ACAP2: variants seen among roughly 807,000 people sequenced by gnomAD.
ACAP2 encodes the protein ArfGAP with coiled-coil, ankyrin repeat and PH domains 2, also known as arf-GAP with coiled-coil, ANK repeat and PH domain-containing protein 2.
ACAP2 carries 39 observed loss-of-function variants against 115.8 expected under a neutral mutation model. The ratio of observed to expected loss-of-function variants is 0.34; its 90% CI spans 0.26 to 0.44. The LOEUF is 0.44. Among genes scored for constraint, ACAP2 ranks in the 20% least tolerant of loss-of-function variants. The probability of loss-of-function intolerance (pLI) is 1.00; values close to 1 mark genes in which losing one functional copy is unlikely to be tolerated. For missense variants in ACAP2, 662 were observed against 927.6 expected, an observed-to-expected ratio of 0.71 and a Z score of 3.72; for synonymous variants, 289 against 315.8, an observed-to-expected ratio of 0.92 and a Z score of 0.90.
intron 1 of ACAP2, among the ~76,000 whole-genome samples, chr3:195,400,071 G>T (rs970121449): frequency 6.6e-6 from 1 of 151,756 alleles, no homozygotes; most frequent in African/African-American, 2.4e-5. Flanking sequence ...CCAGCTACTC[G>T]GGGGGCTGAG....
At chr3:195,285,694 T>C (rs1726799023) in intron 22 of ACAP2, 102 bp downstream of exon 22, 2 of 949,864 alleles carry the variant, frequency 2.1e-6, no homozygotes, top group Non-Finnish European at 3.2e-6. Flanking sequence ...TAGTATCACA[T>C]TAGTTTGCTA....
chr3:195,296,355 AATTT>A (rs777202942), intron 16 of ACAP2, among the ~76,000 whole-genome samples: 17 of 152,204 alleles, frequency 1.1e-4, no homozygotes, highest in Non-Finnish European at 1.8e-4. Context: ...TAGCATTATT[AATTT>A]AAGAAATAAA....
At chr3:195,315,011 T>G (rs536455458) in intron 10 of ACAP2, among the ~76,000 whole-genome samples, 20 of 152,356 alleles carry the variant, frequency 1.3e-4, no homozygotes, top group African/African-American at 4.6e-4. Context: ...GTCACAAGGT[T>G]TGGACTTTCA....
intron 4 of ACAP2, among the ~76,000 whole-genome samples, chr3:195,374,422 T>A (rs1733376673): frequency 1.3e-5 from 2 of 152,124 alleles, no homozygotes; most frequent in African/African-American, 4.8e-5. Flanking sequence ...CCAGAAAATA[T>A]AAGCATTACT....
intron 4 of ACAP2, among the ~76,000 whole-genome samples, chr3:195,364,995 C>T (rs1314311874): frequency 6.6e-6 from 1 of 152,064 alleles, no homozygotes; most frequent in Non-Finnish European, 1.5e-5. Context: ...CGAAACTAGA[C>T]GTCATTATGT....
chr3:195,299,817 G>A (rs1577257445), intron 15 of ACAP2, among the ~76,000 whole-genome samples: 2 of 151,994 alleles, frequency 1.3e-5, no homozygotes, highest in Admixed American at 6.6e-5. Flanking sequence ...CAGCTTGGGC[G>A]ACACAGCGAG....
chr3:195,395,049 T>C (rs890459488), intron 1 of ACAP2, among the ~76,000 whole-genome samples: 4 of 148,066 alleles, frequency 2.7e-5, no homozygotes, highest in East Asian at 2.0e-4. Flanking sequence ...TTCATTGAGA[T>C]AGAACCATTC....
In ACAP2 at chr3:195,307,210, T is replaced by C. The variant is rs746143784; in HGVS notation, c.1010+13A>G. 2 of 1,604,094 alleles carry C rather than the reference T, an allele frequency of 1.2e-6. No individual in the cohort carries two copies. Among genetic ancestry groups the C allele is most frequent in the South Asian group, 2.2e-5 (2 of 90,366 alleles). On this transcript the variant is annotated intron_variant, in intron 12 of 22. Coordinates refer to ENST00000326793, the MANE Select transcript of ACAP2 (RefSeq NM_012287.6). ...ACATAAAAGCAAATCACAGATCCTT[T>C]AGAACCACTTACTTTGTTGGCGAGA...
chr3:195,377,345 A>G (rs1362268298), intron 4 of ACAP2, among the ~76,000 whole-genome samples: 1 of 151,676 alleles, frequency 6.6e-6, no homozygotes, highest in African/African-American at 2.4e-5. Flanking sequence ...GAGTTTCGCC[A>G]TGTTGCCCAG....
chr3:195,284,746 T>C (rs1000866290), intron 22 of ACAP2, among the ~76,000 whole-genome samples: 10 of 152,234 alleles, frequency 6.6e-5, no homozygotes, highest in African/African-American at 2.4e-4. Flanking sequence ...TCAATATTCA[T>C]TTTTAAAAAA....
At chr3:195,416,783 CAACACTAGAAG>C (rs1197266739) in intron 1 of ACAP2, among the ~76,000 whole-genome samples, 4 of 152,164 alleles carry the variant, frequency 2.6e-5, no homozygotes, top group Non-Finnish European at 5.9e-5. Flanking sequence ...TTGAATCTCA[CAACACTAGAAG>C]AACACGTCCA....
intron 10 of ACAP2, among the ~76,000 whole-genome samples, chr3:195,309,485 G>A (rs2108993898): frequency 6.6e-6 from 1 of 151,704 alleles, no homozygotes; most frequent in East Asian, 1.9e-4. Flanking sequence ...GGCAGAGGTT[G>A]CAGTGAGCCG....
intron 4 of ACAP2, among the ~76,000 whole-genome samples, chr3:195,365,053 C>T (rs1022401642): frequency 1.3e-5 from 2 of 152,132 alleles, no homozygotes; most frequent in Non-Finnish European, 2.9e-5. Flanking sequence ...CGTGTTCTCA[C>T]TTATTTGTGG....
At chr3:195,310,975 T>TA (rs1040114412) in intron 10 of ACAP2, among the ~76,000 whole-genome samples, 34 of 151,966 alleles carry the variant, frequency 2.2e-4, no homozygotes, top group Non-Finnish European at 1.2e-4. Flanking sequence ...TATTATAAAT[T>TA]AAAAAAACTA....
intron 15 of ACAP2, among the ~76,000 whole-genome samples, chr3:195,300,034 C>CTTTTTTT (rs761772967): frequency 1.4e-5 from 2 of 141,890 alleles, no homozygotes; most frequent in East Asian, 2.2e-4. Flanking sequence ...TTTCTTTTTT[C>CTTTTTTT]TTTTTTTTTC....
rs541856031 is a variant in ACAP2 at position 195,358,162 on chromosome 3, C to T, written c.286-12845G>A. On this transcript the variant is annotated intron_variant, in intron 4 of 22. Transcript: ENST00000326793. ...GTCCAAGAACTACAGCATTACTAGT[C>T]TTGGGGTGCCCTCTAATGCAGATAC... Among the ~76,000 whole-genome samples the T allele has an allele frequency of 2.6e-5, 4 of 152,236 alleles. No individual in the cohort carries two copies. The East Asian group carries it at 7.7e-4, about 29-fold the overall frequency.
At chr3:195,365,983 A>G (rs1028119421) in intron 4 of ACAP2, among the ~76,000 whole-genome samples, 3 of 152,062 alleles carry the variant, frequency 2.0e-5, no homozygotes, top group Non-Finnish European at 4.4e-5. Context: ...CTGGGATTAC[A>G]GGCACGCGCC....
At chr3:195,346,670 T>C (rs1313775510) in intron 4 of ACAP2, among the ~76,000 whole-genome samples, 1 of 152,228 alleles carries the variant, frequency 6.6e-6, no homozygotes, top group Non-Finnish European at 1.5e-5. Flanking sequence ...ATCCTAGGTA[T>C]GTGGCCAAAT....
intron 2 of ACAP2, among the ~76,000 whole-genome samples, chr3:195,387,352 G>C (rs1475557608): frequency 2.6e-5 from 4 of 152,106 alleles, no homozygotes; most frequent in Admixed American, 6.5e-5. Flanking sequence ...CCAGATGATA[G>C]GAATACAAAC....
Sources: gnomAD v4.1 joint callset for allele counts (sites outside exome capture counted in the v4.1 genomes callset) on GRCh38, gnomAD v4.1.1 for gene constraint, MANE v1.5 for transcripts, NCBI Gene and HGNC (gene_info 2026-07-23, HGNC 2026-07-21) for gene names.